Variants in RANBP2 observed in about 807,000 individuals in gnomAD.
The protein encoded by RANBP2 is E3 SUMO-protein ligase RanBP2.
A neutral mutation model predicts 303.6 loss-of-function variants in RANBP2; 57 were observed. That is an observed-to-expected ratio of 0.19 (90% CI 0.15 to 0.23). The LOEUF (loss-of-function observed/expected upper bound fraction) is 0.23. Ranked by LOEUF, RANBP2 falls within the 10% of genes least tolerant of loss-of-function variation. The pLI is 1.00. For synonymous variants in RANBP2, 1,167 were observed against 1,301.5 expected (o/e 0.90, Z 2.23); for missense variants, 3,138 against 3,780.8 (o/e 0.83, Z 4.46).
the RANBP2 span, among the ~76,000 whole-genome samples, chr2:109,674,304 C>A: frequency 7.0e-6 from 1 of 142,270 alleles, no homozygotes; most frequent in Non-Finnish European, 1.5e-5. Flanking sequence ...TTCCTCATCA[C>A]AAAATATACT....
the RANBP2 span, among the ~76,000 whole-genome samples, chr2:109,419,203 T>A: frequency 1.3e-5 from 2 of 152,178 alleles, no homozygotes; most frequent in African/African-American, 4.8e-5. Context: ...GGGTTTTTTT[T>A]AAACAAACAC....
chr2:109,520,383 A>G, the RANBP2 span, among the ~76,000 whole-genome samples: 2 of 151,838 alleles, frequency 1.3e-5, no homozygotes, highest in African/African-American at 2.4e-5. Flanking sequence ...CAGGCAGATC[A>G]TGAGGTCAGG....
At chr2:109,255,334 A>G in the RANBP2 span, among the ~76,000 whole-genome samples, 1 of 152,112 alleles carries the variant, frequency 6.6e-6, no homozygotes, top group African/African-American at 2.4e-5. Context: ...GAGTAAAGCT[A>G]CTCTAAGAAT....
At chr2:108,816,199 C>A in the RANBP2 span, 1 of 943,330 alleles carries the variant, frequency 1.1e-6, no homozygotes, top group Non-Finnish European at 1.6e-6. Flanking sequence ...GTCTATAATC[C>A]CATCACTTTG....
chr2:109,649,033 C>T, the RANBP2 span, among the ~76,000 whole-genome samples: 82 of 152,222 alleles, frequency 5.4e-4, no homozygotes, highest in African/African-American at 1.9e-3. Context: ...ACAACAACGG[C>T]GACCTGGACC....
chr2:109,288,155 A>G, the RANBP2 span, among the ~76,000 whole-genome samples: 2 of 152,262 alleles, frequency 1.3e-5, no homozygotes, highest in East Asian at 1.9e-4. Flanking sequence ...TTGGTTTCCA[A>G]GAAGAACTCA....
chr2:108,791,754 G>C, the RANBP2 span: 10 of 1,602,378 alleles, frequency 6.2e-6, no homozygotes, highest in African/African-American at 1.1e-4. Context: ...TGATTATAGA[G>C]TTAGTACCTC....
the RANBP2 span, among the ~76,000 whole-genome samples, chr2:109,516,428 C>T: frequency 6.6e-6 from 1 of 152,238 alleles, no homozygotes; most frequent in Non-Finnish European, 1.5e-5. Flanking sequence ...CACAGAAGCA[C>T]GGGCCTACAG....
At chr2:109,625,087 CAAAA>C in the RANBP2 span, among the ~76,000 whole-genome samples, 25 of 60,092 alleles carry the variant, frequency 4.2e-4, no homozygotes, top group African/African-American at 9.8e-4. Flanking sequence ...ACAACAACAA[CAAAA>C]AAAAAAAAAA....
At chr2:109,007,147 G>T in the RANBP2 span, among the ~76,000 whole-genome samples, 15 of 152,222 alleles carry the variant, frequency 9.9e-5, no homozygotes, top group Non-Finnish European at 2.1e-4. Flanking sequence ...TTTTGCAGAA[G>T]GAACCGCAGA....
the RANBP2 span, among the ~76,000 whole-genome samples, chr2:109,351,563 C>T: frequency 5.3e-5 from 8 of 152,242 alleles, no homozygotes; most frequent in South Asian, 2.1e-4. Context: ...ACATTGTGGT[C>T]GCCTTGCCAG....
At chr2:108,962,942 A>C in the RANBP2 span, among the ~76,000 whole-genome samples, 1 of 152,154 alleles carries the variant, frequency 6.6e-6, no homozygotes, top group Non-Finnish European at 1.5e-5. Context: ...ATAAGGAGAG[A>C]GCTACAGAGA....
At chr2:109,271,693 A>G in the RANBP2 span, among the ~76,000 whole-genome samples, 1 of 152,176 alleles carries the variant, frequency 6.6e-6, no homozygotes, top group African/African-American at 2.4e-5. Flanking sequence ...GTCATTTAGG[A>G]CGAAGGGCCC....
At chr2:109,379,896 G>A in the RANBP2 span, among the ~76,000 whole-genome samples, 1 of 152,156 alleles carries the variant, frequency 6.6e-6, no homozygotes, top group Non-Finnish European at 1.5e-5. Context: ...GTCTATGTCT[G>A]AACAGAGTGG....
chr2:109,559,024 T>C, the RANBP2 span, among the ~76,000 whole-genome samples: 4 of 152,068 alleles, frequency 2.6e-5, no homozygotes, highest in Non-Finnish European at 5.9e-5. Flanking sequence ...TAGCTGGGCT[T>C]ATAGGTGTCC....
chr2:109,471,507 G>A, the RANBP2 span, among the ~76,000 whole-genome samples: 11 of 152,136 alleles, frequency 7.2e-5, no homozygotes, highest in Non-Finnish European at 1.5e-4. Context: ...GTCCCTCTTT[G>A]ACACATGGGG....
the RANBP2 span, among the ~76,000 whole-genome samples, chr2:108,807,503 G>A: frequency 6.6e-6 from 1 of 152,014 alleles, no homozygotes; most frequent in African/African-American, 2.4e-5. Flanking sequence ...CTTTGTATTG[G>A]AAATATTCAA....
At chr2:109,488,675 T>C in the RANBP2 span, among the ~76,000 whole-genome samples, 5 of 152,312 alleles carry the variant, frequency 3.3e-5, no homozygotes, top group African/African-American at 1.2e-4. Context: ...CTCCCTCAAG[T>C]TGTGCCGCCA....
At chr2:108,754,622 A>G (rs898402598) in intron 15 of RANBP2, among the ~76,000 whole-genome samples, 4 of 151,944 alleles carry the variant, frequency 2.6e-5, no homozygotes, top group Admixed American at 6.6e-5. Flanking sequence ...TAACAGAAGT[A>G]ATAGAAAGAG....
Sources: allele counts gnomAD v4.1 joint callset (sites outside exome capture counted in the v4.1 genomes callset), GRCh38; gene constraint gnomAD v4.1.1; transcripts MANE v1.5; gene names NCBI Gene and HGNC (gene_info 2026-07-23, HGNC 2026-07-21).